Variants in OSBPL11 observed in about 807,000 individuals in gnomAD.
OSBPL11 encodes the protein oxysterol binding protein like 11, also known as oxysterol-binding protein-related protein 11.
OSBPL11 carries 33 observed loss-of-function variants against 84.4 expected under a neutral mutation model. The observed-to-expected ratio is 0.39, with a 90% CI of 0.30 to 0.52. OSBPL11 has a LOEUF of 0.52. OSBPL11 is among the 20% of genes least tolerant of loss of function. The probability of loss-of-function intolerance (pLI) is 0.72; values close to 1 mark genes in which losing one functional copy is unlikely to be tolerated. For synonymous variants in OSBPL11, 276 were observed against 310.2 expected (o/e 0.89, Z 1.16); for missense variants, 736 against 901.1 (o/e 0.82, Z 2.35).
chr3:125,573,327 A>G (rs1378264188), intron 5 of OSBPL11, among the ~76,000 whole-genome samples: 2 of 152,084 alleles, frequency 1.3e-5, no homozygotes, highest in Non-Finnish European at 2.9e-5. Context: ...TTGTCTGAAA[A>G]CCAAATTAGA....
chr3:125,570,658 T>C (rs988020271), intron 5 of OSBPL11, among the ~76,000 whole-genome samples: 2 of 152,128 alleles, frequency 1.3e-5, no homozygotes, highest in Non-Finnish European at 2.9e-5. Flanking sequence ...ATAAGTCTCA[T>C]GAGATCTGAT....
chr3:125,538,383 A>C, intron 11 of OSBPL11, 68 bp downstream of exon 11: 1 of 1,453,386 alleles, frequency 6.9e-7, no homozygotes, highest in Admixed American at 2.0e-5. Context: ...GTCACCAGTT[A>C]GTGAAAAGGC....
intron 1 of OSBPL11, among the ~76,000 whole-genome samples, chr3:125,594,212 T>C (rs1280339809): frequency 6.6e-6 from 1 of 152,242 alleles, no homozygotes; most frequent in East Asian, 1.9e-4. Context: ...TTTCTGATTC[T>C]GGAGAAGCTC....
At chr3:125,574,063 C>T (rs1356766495) in intron 5 of OSBPL11, among the ~76,000 whole-genome samples, 2 of 152,044 alleles carry the variant, frequency 1.3e-5, no homozygotes, top group African/African-American at 4.8e-5. Context: ...TCTGCAGAGA[C>T]CCCTGTGAGA....
At chr3:125,548,991 C>T (rs1935860411) in intron 9 of OSBPL11, among the ~76,000 whole-genome samples, 1 of 151,700 alleles carries the variant, frequency 6.6e-6, no homozygotes, top group Non-Finnish European at 1.5e-5. Flanking sequence ...TGAGAGCTGT[C>T]AGATGACAGA....
intron 1 of OSBPL11, among the ~76,000 whole-genome samples, chr3:125,591,832 C>T (rs1936599316): frequency 6.6e-6 from 1 of 152,062 alleles, no homozygotes; most frequent in Non-Finnish European, 1.5e-5. Flanking sequence ...CAAGATCCTG[C>T]CTCTAGAAAA....
intron 1 of OSBPL11, among the ~76,000 whole-genome samples, chr3:125,588,390 C>G (rs973471713): frequency 3.3e-5 from 5 of 152,146 alleles, no homozygotes; most frequent in Non-Finnish European, 7.3e-5. Flanking sequence ...TCAAGAGGTT[C>G]TCCAGCTTGT....
chr3:125,555,944 A>G (rs1255524017), intron 8 of OSBPL11, among the ~76,000 whole-genome samples: 2 of 152,184 alleles, frequency 1.3e-5, no homozygotes, highest in African/African-American at 4.8e-5. Flanking sequence ...TGGCCTCCCA[A>G]AGTGCTGGGA....
intron 11 of OSBPL11, among the ~76,000 whole-genome samples, chr3:125,534,776 T>C (rs1193111450): frequency 6.6e-6 from 1 of 151,822 alleles, no homozygotes; most frequent in Non-Finnish European, 1.5e-5. Flanking sequence ...AATTTTTTAT[T>C]GCAATTTAAC....
chr3:125,552,744 TTC>T, intron 8 of OSBPL11, 65 bp from the exon 9 acceptor site: 1 of 1,498,564 alleles, frequency 6.7e-7, no homozygotes, highest in Non-Finnish European at 9.0e-7. Context: ...TAGACAACTA[TTC>T]TCTCTCTGAA....
In OSBPL11 at chr3:125,551,197, TAAATTA is replaced by T. The variant is rs1194478435; in HGVS notation, c.1654+978_1654+983del. 2.1e-3 allele frequency among the ~76,000 whole-genome samples: 304 copies of T among 146,244 alleles called. 1 individual carries two copies. The highest frequency in any genetic ancestry group is 2.1e-3 in the African/African-American group (85 of 39,840). ...AAAAAAAAAAAAAATTAAATTAAATTAAATTAAAAAAAAGGATGGAAAATCTATTTC... is the reference window on the plus strand; with the variant it reads ...AAAAAAAAAAAAAATTAAATTAAATTAAAAAAAGGATGGAAAATCTATTTC... On this transcript the variant is annotated intron_variant, in intron 9 of 12. Transcript: ENST00000296220.
In OSBPL11 at chr3:125,546,664, G is replaced by T. The variant is rs376180755; in HGVS notation, c.1841+742C>A. On this transcript the variant is annotated intron_variant, in intron 10 of 12. Coordinates refer to ENST00000296220, the MANE Select transcript of OSBPL11 (RefSeq NM_022776.5). ...CCAGCACTTTGGGAGGTTGAGGCAG[G>T]CAGATCACTTAAGGCCAGGAGTTTG... Among the ~76,000 whole-genome samples, 20 of 152,130 alleles carry T rather than the reference G, an allele frequency of 1.3e-4. 1 individual carries two copies. In the South Asian group the frequency reaches 2.5e-3, roughly 19 times the overall value.
At chr3:125,577,685 C>T (rs567774362) in intron 4 of OSBPL11, among the ~76,000 whole-genome samples, 17 of 151,852 alleles carry the variant, frequency 1.1e-4, no homozygotes, top group East Asian at 5.8e-4. Flanking sequence ...AAAAATTAGC[C>T]GGGCGTGGTG....
intron 1 of OSBPL11, among the ~76,000 whole-genome samples, chr3:125,592,172 C>T (rs915812784): frequency 6.6e-6 from 1 of 152,100 alleles, no homozygotes; most frequent in African/African-American, 2.4e-5. Context: ...TCCACCTCAG[C>T]CTCCTGAGTA....
intron 3 of OSBPL11, 68 bp from the exon 4 acceptor site, chr3:125,579,107 T>C: frequency 8.8e-7 from 1 of 1,138,046 alleles, no homozygotes; most frequent in Non-Finnish European, 1.3e-6. Flanking sequence ...GCCTACAGTA[T>C]GAAGATCAGA....
intron 4 of OSBPL11, among the ~76,000 whole-genome samples, chr3:125,578,240 C>T (rs942214412): frequency 6.6e-6 from 1 of 152,022 alleles, no homozygotes; most frequent in Admixed American, 6.6e-5. Context: ...CACGGATGAA[C>T]CTTGAAAACA....
At chr3:125,584,557 A>T (rs74857563) in intron 1 of OSBPL11, among the ~76,000 whole-genome samples, 25 of 152,122 alleles carry the variant, frequency 1.6e-4, no homozygotes, top group Non-Finnish European at 1.0e-4. Context: ...TCTTTAATCT[A>T]GGTTCTCTAC....
intron 1 of OSBPL11, among the ~76,000 whole-genome samples, chr3:125,588,099 G>A (rs557051000): frequency 3.3e-5 from 5 of 152,062 alleles, no homozygotes; most frequent in South Asian, 2.1e-4. Flanking sequence ...GTGCATGCCT[G>A]TAGTCCCAGC....
At chr3:125,580,089 A>T in intron 2 of OSBPL11, 49 bp from the exon 3 acceptor site, 1 of 1,506,608 alleles carries the variant, frequency 6.6e-7, no homozygotes, top group Non-Finnish European at 9.1e-7. Flanking sequence ...TTCCCTCAGC[A>T]AACTAAAGCA....
Sources: gnomAD v4.1 joint callset for allele counts (sites outside exome capture counted in the v4.1 genomes callset) on GRCh38, gnomAD v4.1.1 for gene constraint, MANE v1.5 for transcripts, NCBI Gene and HGNC (gene_info 2026-07-23, HGNC 2026-07-21) for gene names.